RNF180: variants seen among roughly 807,000 people sequenced by gnomAD.
The protein encoded by RNF180 is E3 ubiquitin-protein ligase RNF180.
In RNF180, 38 loss-of-function variants were observed where a neutral mutation model predicts 59.2. The ratio of observed to expected loss-of-function variants is 0.64; its 90% CI spans 0.50 to 0.84. The LOEUF (loss-of-function observed/expected upper bound fraction) is 0.84. Among genes scored for constraint, RNF180 ranks in the 40% least tolerant of loss-of-function variants. The pLI is 0.00. For missense variants in RNF180, 705 were observed against 700.9 expected (o/e 1.01, Z -0.07); for synonymous variants, 262 against 240.3 (o/e 1.09, Z -0.84).
Position 64,325,260 on chromosome 5 carries a change from G to C in RNF180, c.1302G>C (p.Val434=). The change falls in exon 6 of 8, where the codon GTG becomes GTC. Residue 434 remains valine (V), a synonymous_variant. Transcript: ENST00000389100. Reference sequence around the variant, plus strand: ...AAAAGGATAGCTACATCTGTGCAGTGTGTCTGGACGTTTATTTCAACCCTT... The same window carrying C: ...AAAAGGATAGCTACATCTGTGCAGTCTGTCTGGACGTTTATTTCAACCCTT... ...AEEKDSYICA[V]CLDVYFNPYM... is the part of the protein sequence containing the mutation. The C allele has an allele frequency of 6.4e-7, 1 of 1,551,440 alleles. No homozygotes were observed.
In RNF180 at chr5:64,370,851, G is replaced by C. The variant is rs776210788; in HGVS notation, c.*1037G>C. The C allele has an allele frequency of 6.6e-6, 1 of 151,572 alleles. No homozygotes were observed. Among genetic ancestry groups the C allele is most frequent in the Admixed American group, 6.6e-5 (1 of 15,180 alleles). The allele number at this position is 151,572 out of a possible 1,614,324, so 9.4% of individuals were successfully genotyped here. A position where few individuals can be genotyped will look rare whatever the true frequency, so the allele number is the denominator to read the frequency against. On this transcript the variant is annotated 3_prime_UTR_variant, in exon 8 of 8. Coordinates refer to ENST00000389100, the MANE Select transcript of RNF180 (RefSeq NM_001113561.2). ...TTATTCAGTTATTCTGGTGGTCTTT[G>C]TGAAACCTGGGACAAAGTTTTTATT... is the stretch of plus-strand genomic sequence containing the variant.
At chr5:64,349,890 A>G (rs971183926) in intron 7 of RNF180, among the ~76,000 whole-genome samples, 2 of 152,198 alleles carry the variant, frequency 1.3e-5, no homozygotes, top group African/African-American at 4.8e-5. Context: ...TAGTGTTGCA[A>G]TAAACATATG....
chr5:64,257,645 G>T (rs1744060251), intron 5 of RNF180, among the ~76,000 whole-genome samples: 1 of 152,172 alleles, frequency 6.6e-6, no homozygotes, highest in Non-Finnish European at 1.5e-5. Context: ...CTTCATCAGG[G>T]ATATTGGTCT....
intron 7 of RNF180, among the ~76,000 whole-genome samples, chr5:64,349,410 CTTTT>C (rs57419146): frequency 1.4e-5 from 2 of 139,232 alleles, no homozygotes; most frequent in Admixed American, 1.4e-4. Context: ...AGTCTTCTTT[CTTTT>C]TTTTTTTTGA....
intron 5 of RNF180, among the ~76,000 whole-genome samples, chr5:64,229,117 G>T (rs778270397): frequency 5.3e-5 from 8 of 151,892 alleles, no homozygotes; most frequent in Non-Finnish European, 1.2e-4. Context: ...TAGAGATGCG[G>T]TCTCACTATA....
At chr5:64,210,361 T>A (rs996156879) in intron 2 of RNF180, among the ~76,000 whole-genome samples, 9 of 152,134 alleles carry the variant, frequency 5.9e-5, no homozygotes, top group African/African-American at 2.2e-4. Flanking sequence ...GTGTTGATAC[T>A]CTCTCTCAAA....
intron 5 of RNF180, among the ~76,000 whole-genome samples, chr5:64,275,387 T>C (rs1485803025): frequency 5.4e-5 from 8 of 148,202 alleles, no homozygotes; most frequent in Non-Finnish European, 3.0e-5. Flanking sequence ...CATTAGTCCA[T>C]AGTAGAATAA....
chr5:64,226,216 C>T (rs879260303), intron 5 of RNF180, among the ~76,000 whole-genome samples: 8 of 151,520 alleles, frequency 5.3e-5, no homozygotes, highest in East Asian at 2.0e-4. Flanking sequence ...GCGGTTTTGT[C>T]GAAAAGAAAA....
chr5:64,253,378 A>T (rs1386445383), intron 5 of RNF180, among the ~76,000 whole-genome samples: 3 of 152,280 alleles, frequency 2.0e-5, no homozygotes, highest in African/African-American at 4.8e-5. Context: ...TTGTCATTTA[A>T]CCATCACAAC....
chr5:64,294,742 A>G (rs986699428), intron 5 of RNF180, among the ~76,000 whole-genome samples: 5 of 152,218 alleles, frequency 3.3e-5, no homozygotes, highest in Non-Finnish European at 7.3e-5. Flanking sequence ...TTGTGCTGTC[A>G]TAGTTCATTA....
intron 5 of RNF180, among the ~76,000 whole-genome samples, chr5:64,319,668 C>T (rs1392325652): frequency 2.0e-5 from 3 of 152,076 alleles, no homozygotes; most frequent in Non-Finnish European, 4.4e-5. Flanking sequence ...CATCATGTAC[C>T]CTGTGAGCAA....
Position 64,360,964 on chromosome 5 carries a change from C to T in RNF180, c.1580-8651C>T, listed in dbSNP as rs142907392. Among the ~76,000 whole-genome samples, 61 of 151,732 alleles carry T rather than the reference C, an allele frequency of 4.0e-4. 1 individual carries two copies. The highest frequency in any genetic ancestry group is 3.0e-3 in the Admixed American group (46 of 15,172). On this transcript the variant is annotated intron_variant, in intron 7 of 7. Transcript: ENST00000389100. ...TAAATATGCTATATTCTAATACAAA[C>T]AAACCTATACTCTGCTCCAAATGGA...
At chr5:64,238,312 A>G (rs975905845) in intron 5 of RNF180, among the ~76,000 whole-genome samples, 5 of 152,230 alleles carry the variant, frequency 3.3e-5, no homozygotes, top group African/African-American at 7.2e-5. Context: ...AGGAAATCTA[A>G]TATCTATTTG....
intron 2 of RNF180, among the ~76,000 whole-genome samples, chr5:64,203,205 G>GGCCA: frequency 6.6e-6 from 1 of 152,234 alleles, no homozygotes; most frequent in East Asian, 1.9e-4. Context: ...GTTGAAAATA[G>GGCCA]GCCAACCAGT....
At chr5:64,271,539 ACTAT>A (rs1040438174) in intron 5 of RNF180, among the ~76,000 whole-genome samples, 6 of 152,164 alleles carry the variant, frequency 3.9e-5, no homozygotes, top group African/African-American at 7.2e-5. Context: ...AGTAGGATAT[ACTAT>A]CTAAGTTTGT....
At chr5:64,241,667 T>C (rs1278334952) in intron 5 of RNF180, among the ~76,000 whole-genome samples, 1 of 152,182 alleles carries the variant, frequency 6.6e-6, no homozygotes, top group African/African-American at 2.4e-5. Flanking sequence ...TACTAAAATA[T>C]CTTCATAAGA....
intron 4 of RNF180, 27 bp from the exon 5 acceptor site, chr5:64,217,334 T>C: frequency 1.4e-6 from 2 of 1,386,002 alleles, no homozygotes; most frequent in Non-Finnish European, 1.9e-6. Context: ...CTTATTTTTG[T>C]GTGAACCTAA....
chr5:64,343,779 C>T (rs1296806699), intron 7 of RNF180, among the ~76,000 whole-genome samples: 3 of 151,342 alleles, frequency 2.0e-5, no homozygotes, highest in Admixed American at 2.0e-4. Context: ...CAAAAATATC[C>T]TTAAAAAATG....
rs553043112 is a variant in RNF180, at chr5:64,249,036, T to C, written c.1227+31640T>C. On this transcript the variant is annotated intron_variant, in intron 5 of 7. Transcript: ENST00000389100. ...ACCAAACACTGCATGTTTTCACTCA[T>C]AAGTGGGAGTTGAACAATGAGAACA... 1.1e-4 allele frequency among the ~76,000 whole-genome samples: 16 copies of C among 152,230 alleles called. No homozygotes were observed. The East Asian group carries it at 3.1e-3, about 29-fold the overall frequency.
Sources: gnomAD v4.1 joint callset for allele counts (sites outside exome capture counted in the v4.1 genomes callset) on GRCh38, gnomAD v4.1.1 for gene constraint, MANE v1.5 for transcripts, NCBI Gene and HGNC (gene_info 2026-07-23, HGNC 2026-07-21) for gene names.